CERS6: variants seen among roughly 807,000 people sequenced by gnomAD.
The protein encoded by CERS6 is ceramide synthase 6.
A neutral mutation model predicts 56.8 loss-of-function variants in CERS6; 26 were observed. The ratio of observed to expected loss-of-function variants is 0.46; its 90% CI spans 0.34 to 0.63. CERS6 has a LOEUF of 0.63. CERS6 is among the 30% of genes least tolerant of loss of function. The pLI, the probability that CERS6 is intolerant of heterozygous loss-of-function variation, is 0.01. For synonymous variants in CERS6, 164 were observed against 173.3 expected (o/e 0.95, Z 0.42); for missense variants, 415 against 467.5 (o/e 0.89, Z 1.04).
intron 8 of CERS6, among the ~76,000 whole-genome samples, chr2:168,755,343 C>T (rs956798596): frequency 6.6e-6 from 1 of 152,168 alleles, no homozygotes; most frequent in Admixed American, 6.5e-5. Context: ...TTAAATGCTT[C>T]AATGGACTAG....
At chr2:168,597,231 G>A (rs952164856) in intron 3 of CERS6, among the ~76,000 whole-genome samples, 1 of 152,150 alleles carries the variant, frequency 6.6e-6, no homozygotes, top group African/African-American at 2.4e-5. Context: ...GTGGCAGCAG[G>A]CTTGACAGTA....
Position 168,555,722 on chromosome 2 carries a change from C to CTGTGTGTGTGTGTGTG in CERS6, c.277-5442_277-5427dup, listed in dbSNP as rs58781728. Among the ~76,000 whole-genome samples, 981 of 140,950 alleles carry CTGTGTGTGTGTGTGTG rather than the reference C, an allele frequency of 7.0e-3. 9 individuals carry two copies. The highest frequency in any genetic ancestry group is 7.7e-3 in the African/African-American group (279 of 36,386). 92.5% of individuals were successfully genotyped at this position (140,950 alleles called of 152,430 possible). A position where few individuals can be genotyped will look rare whatever the true frequency, so the allele number is the denominator to read the frequency against. The stretch of plus-strand genomic sequence containing the variant: ...TTATTCTAGGAAAGTATAATTGACT[C>CTGTGTGTGTGTGTGTG]TGTGTGTGTGTGTGTGTGTGTGTGT... On this transcript the variant is annotated intron_variant, in intron 2 of 9. Coordinates refer to ENST00000305747, the MANE Select transcript of CERS6 (RefSeq NM_203463.3).
At chr2:168,512,624 A>G (rs1270259730) in intron 1 of CERS6, among the ~76,000 whole-genome samples, 2 of 150,444 alleles carry the variant, frequency 1.3e-5, no homozygotes, top group African/African-American at 2.4e-5. Flanking sequence ...TTGAGTCTCT[A>G]TGAGAGTACC....
chr2:168,511,629 A>C (rs1694788414), intron 1 of CERS6, among the ~76,000 whole-genome samples: 1 of 152,194 alleles, frequency 6.6e-6, no homozygotes, highest in Admixed American at 6.5e-5. Flanking sequence ...TAATTCTTTG[A>C]AAATGTCTTT....
chr2:168,656,693 T>A (rs1314890658), intron 4 of CERS6, among the ~76,000 whole-genome samples: 2 of 152,044 alleles, frequency 1.3e-5, no homozygotes, highest in Admixed American at 1.3e-4. Flanking sequence ...GTAGCAAGAT[T>A]TATTGCAAAG....
chr2:168,757,651 G>A (rs1214049217), intron 8 of CERS6, among the ~76,000 whole-genome samples: 1 of 152,194 alleles, frequency 6.6e-6, no homozygotes, highest in Non-Finnish European at 1.5e-5. Context: ...GGAGGCCAAG[G>A]TGGGAGAATC....
intron 3 of CERS6, among the ~76,000 whole-genome samples, chr2:168,627,630 AG>A (rs1368267027): frequency 1.0e-4 from 1 of 9,582 alleles, no homozygotes; most frequent in Non-Finnish European, 3.1e-4. Context: ...TGAACACTGA[AG>A]TTTTTTTTTT....
intron 4 of CERS6, among the ~76,000 whole-genome samples, chr2:168,658,649 GCCT>G (rs2105325890): frequency 6.6e-6 from 1 of 152,316 alleles, no homozygotes; most frequent in African/African-American, 2.4e-5. Flanking sequence ...TTGAGTGTTT[GCCT>G]CCTTTGACTG....
Position 168,547,713 on chromosome 2 carries a change from C to T in CERS6, c.276+12C>T. 6.5e-7 allele frequency: 1 copy of T among 1,528,902 alleles called. No homozygotes were observed. 94.7% of individuals were successfully genotyped at this position (1,528,902 alleles called of 1,614,324 possible). A position where few individuals can be genotyped will look rare whatever the true frequency, so the allele number is the denominator to read the frequency against. ...CTGCAATTACAAAGGTATGATTGTC[C>T]TTTCCTGGGGTATAGATTGTCCCCG... is the stretch of plus-strand genomic sequence containing the variant. On this transcript the variant is annotated intron_variant, in intron 2 of 9. Transcript: ENST00000305747.
At chr2:168,486,320 A>G (rs192789372) in intron 1 of CERS6, among the ~76,000 whole-genome samples, 1 of 152,228 alleles carries the variant, frequency 6.6e-6, no homozygotes, top group African/African-American at 2.4e-5. Flanking sequence ...CAAAGGTTTT[A>G]AATTTTAATG....
chr2:168,653,139 T>C (rs1181550226), intron 4 of CERS6, among the ~76,000 whole-genome samples: 1 of 152,228 alleles, frequency 6.6e-6, no homozygotes, highest in Non-Finnish European at 1.5e-5. Flanking sequence ...TTTAACAGTA[T>C]TGTCATGAGT....
intron 7 of CERS6, among the ~76,000 whole-genome samples, chr2:168,717,265 A>G (rs1053490415): frequency 5.9e-5 from 9 of 152,186 alleles, no homozygotes; most frequent in Non-Finnish European, 1.0e-4. Context: ...ACCTAAATGG[A>G]TTAGTTGAAA....
At chr2:168,725,773 A>G (rs186532569) in intron 8 of CERS6, among the ~76,000 whole-genome samples, 2 of 152,198 alleles carry the variant, frequency 1.3e-5, no homozygotes, top group African/African-American at 4.8e-5. Context: ...CATCACTCAA[A>G]GTGTTAAAAG....
At chr2:168,660,965 TA>T (rs1422829744) in intron 4 of CERS6, among the ~76,000 whole-genome samples, 1 of 150,892 alleles carries the variant, frequency 6.6e-6, no homozygotes, top group African/African-American at 2.4e-5. Flanking sequence ...GGTTTTAATG[TA>T]ACAGAACAAA....
At chr2:168,605,632 T>C (rs1461244946) in intron 3 of CERS6, among the ~76,000 whole-genome samples, 1 of 152,168 alleles carries the variant, frequency 6.6e-6, no homozygotes, top group Non-Finnish European at 1.5e-5. Context: ...AAGAATGGTT[T>C]CCTGGGCTAG....
intron 8 of CERS6, among the ~76,000 whole-genome samples, chr2:168,752,320 T>TGTGTGTGG (rs764784892): frequency 8.8e-5 from 11 of 125,160 alleles, no homozygotes; most frequent in Admixed American, 1.6e-4. Context: ...TGTGTGTGTA[T>TGTGTGTGG]AGAGAGAGAG....
chr2:168,595,113 G>C (rs1683768225), intron 3 of CERS6, among the ~76,000 whole-genome samples: 1 of 152,176 alleles, frequency 6.6e-6, no homozygotes, highest in Admixed American at 6.5e-5. Context: ...TTAGCCCTCT[G>C]TCTTGAAGAG....
At chr2:168,768,163 G>C (rs1448424108) in intron 9 of CERS6, among the ~76,000 whole-genome samples, 3 of 151,990 alleles carry the variant, frequency 2.0e-5, no homozygotes, top group Non-Finnish European at 4.4e-5. Flanking sequence ...ACCTCCATGT[G>C]ACTTAGTGAG....
At position 168,715,427 on chromosome 2, in the gene CERS6, T is replaced by C. The variant is rs190203124; in HGVS notation, c.738+298T>C. On this transcript the variant is annotated intron_variant, in intron 7 of 9. Coordinates refer to ENST00000305747, the MANE Select transcript of CERS6 (RefSeq NM_203463.3). ...CATTATTTGATTAGGTTTTGTTTTG[T>C]GTGTTGTAACTTTTACCCTGATTTA... Among the ~76,000 whole-genome samples, 43 of 152,322 alleles carry C rather than the reference T, an allele frequency of 2.8e-4. No homozygotes were observed. The Middle Eastern group carries it at 0.01, about 36-fold the overall frequency.
Sources: allele counts gnomAD v4.1 joint callset (sites outside exome capture counted in the v4.1 genomes callset), GRCh38; gene constraint gnomAD v4.1.1; transcripts MANE v1.5; gene names NCBI Gene and HGNC (gene_info 2026-07-23, HGNC 2026-07-21).